Variants in KCNQ3 observed in about 807,000 individuals in gnomAD.
KCNQ3 encodes the protein potassium voltage-gated channel subfamily KQT member 3.
KCNQ3 carries 30 observed loss-of-function variants against 92.5 expected under a neutral mutation model. The observed-to-expected ratio is 0.32, with a 90% confidence interval of 0.24 to 0.44. The LOEUF is 0.44. Ranked by LOEUF, KCNQ3 falls within the 20% of genes least tolerant of loss-of-function variation. The probability of loss-of-function intolerance (pLI) is 1.00; values close to 1 mark genes in which losing one functional copy is unlikely to be tolerated. For missense variants in KCNQ3, 913 were observed against 1,140.3 expected (o/e 0.80, Z 2.87); for synonymous variants, 450 against 468.8 (o/e 0.96, Z 0.52).
intron 1 of KCNQ3, among the ~76,000 whole-genome samples, chr8:132,270,130 G>GAAA (rs35906701): frequency 6.7e-6 from 1 of 148,256 alleles, no homozygotes. Context: ...TGATTTTCCT[G>GAAA]AAAAAAAAAA....
chr8:132,389,326 A>C (rs1158792854), intron 1 of KCNQ3, among the ~76,000 whole-genome samples: 3 of 152,126 alleles, frequency 2.0e-5, no homozygotes, highest in Non-Finnish European at 4.4e-5. Context: ...GCGTGGTGGC[A>C]CATGCCTGTA....
chr8:132,375,310 C>G (rs1819578264), intron 1 of KCNQ3, among the ~76,000 whole-genome samples: 1 of 151,642 alleles, frequency 6.6e-6, no homozygotes, highest in Non-Finnish European at 1.5e-5. Flanking sequence ...ACTGCATTTT[C>G]CAAAACAGGT....
At chr8:132,162,971 C>T (rs1826033466) in intron 9 of KCNQ3, among the ~76,000 whole-genome samples, 1 of 152,212 alleles carries the variant, frequency 6.6e-6, no homozygotes, top group African/African-American at 2.4e-5. Flanking sequence ...ATGTGGTTTA[C>T]TGGGAAACCT....
intron 1 of KCNQ3, among the ~76,000 whole-genome samples, chr8:132,186,390 G>A (rs1226907055): frequency 6.6e-6 from 1 of 152,214 alleles, no homozygotes; most frequent in Non-Finnish European, 1.5e-5. Flanking sequence ...TGTGAGAGAA[G>A]TTGACCAATG....
intron 1 of KCNQ3, among the ~76,000 whole-genome samples, chr8:132,458,541 G>A (rs545432599): frequency 2.6e-5 from 4 of 152,268 alleles, no homozygotes; most frequent in Admixed American, 1.3e-4. Flanking sequence ...CGCAACCTCC[G>A]CCTCCCGGGT....
At chr8:132,292,234 C>T (rs1816855952) in intron 1 of KCNQ3, among the ~76,000 whole-genome samples, 1 of 152,216 alleles carries the variant, frequency 6.6e-6, no homozygotes, top group African/African-American at 2.4e-5. Context: ...GATTTCCCCA[C>T]TCTCTATAGT....
At chr8:132,228,370 TGA>T (rs143844678) in intron 1 of KCNQ3, among the ~76,000 whole-genome samples, 36 of 148,478 alleles carry the variant, frequency 2.4e-4, no homozygotes, top group Middle Eastern at 3.4e-3. Context: ...ACTGAGTTAT[TGA>T]GAGAGAGAGA....
intron 1 of KCNQ3, among the ~76,000 whole-genome samples, chr8:132,331,561 C>G (rs143188640): frequency 0.011 from 1,634 of 152,274 alleles, 36 homozygotes; most frequent in African/African-American, 0.037. Context: ...TCCTCCCCTC[C>G]CTGTCCCCTC....
chr8:132,437,555 T>C (rs1821429149), intron 1 of KCNQ3, among the ~76,000 whole-genome samples: 1 of 152,262 alleles, frequency 6.6e-6, no homozygotes, highest in African/African-American at 2.4e-5. Flanking sequence ...TCTGCATATG[T>C]GTTCATTTAG....
At chr8:132,344,765 C>G (rs1195563751) in intron 1 of KCNQ3, among the ~76,000 whole-genome samples, 10 of 151,984 alleles carry the variant, frequency 6.6e-5, no homozygotes, top group Non-Finnish European at 1.5e-5. Flanking sequence ...CAGGTAAGGT[C>G]GAGGCCAGTG....
rs1367737474 is a variant in KCNQ3, at chr8:132,432,458, A to G, written c.386+47689T>C. Among the ~76,000 whole-genome samples the G allele has an allele frequency of 5.3e-5, 8 of 152,214 alleles. No individual in the cohort carries two copies. In the East Asian group the frequency reaches 7.7e-4, roughly 15 times the overall value. On this transcript the variant is annotated intron_variant, in intron 1 of 14. Coordinates refer to ENST00000388996, the MANE Select transcript of KCNQ3 (RefSeq NM_004519.4). ...AAACAATCAAAAATGTATTAAATAC[A>G]TTAAAGTTGAACACTCTGGGTTGAA...
intron 1 of KCNQ3, among the ~76,000 whole-genome samples, chr8:132,191,778 T>C (rs1303479017): frequency 1.3e-5 from 2 of 151,802 alleles, no homozygotes; most frequent in African/African-American, 4.8e-5. Context: ...GCTGGAGAGA[T>C]GACAAGGGTC....
At chr8:132,173,152 A>G (rs1826438462) in intron 6 of KCNQ3, among the ~76,000 whole-genome samples, 1 of 152,200 alleles carries the variant, frequency 6.6e-6, no homozygotes, top group Admixed American at 6.5e-5. Flanking sequence ...TGATACTTTG[A>G]CTATAGCCGG....
Position 132,338,603 on chromosome 8 carries a change from G to C in KCNQ3, c.386+141544C>G, listed in dbSNP as rs182467601. 1.0e-3 allele frequency among the ~76,000 whole-genome samples: 157 copies of C among 152,312 alleles called. 1 individual carries two copies. Among genetic ancestry groups the C allele is most frequent in the Admixed American group, 1.5e-3 (23 of 15,310 alleles). On this transcript the variant is annotated intron_variant, in intron 1 of 14. Transcript: ENST00000388996. ...GCTGGTGGTTTGACCGTGGTGTTCAGAGGGAAGCCGAGGGTGTGAGAACAC... is the reference window on the plus strand; with the variant it reads ...GCTGGTGGTTTGACCGTGGTGTTCACAGGGAAGCCGAGGGTGTGAGAACAC...
intron 1 of KCNQ3, among the ~76,000 whole-genome samples, chr8:132,298,197 A>C (rs1253589848): frequency 6.6e-6 from 1 of 152,198 alleles, no homozygotes; most frequent in African/African-American, 2.4e-5. Context: ...GAAGTTTCCC[A>C]GAACATGAGA....
intron 9 of KCNQ3, among the ~76,000 whole-genome samples, chr8:132,154,193 G>GTTTTTT (rs869112851): frequency 8.7e-4 from 24 of 27,466 alleles, no homozygotes; most frequent in African/African-American, 1.9e-3. Context: ...AAGGGTAAAA[G>GTTTTTT]TTTTTTTTTT....
intron 1 of KCNQ3, among the ~76,000 whole-genome samples, chr8:132,433,609 G>T (rs1336591413): frequency 6.6e-6 from 1 of 152,204 alleles, no homozygotes; most frequent in Admixed American, 6.5e-5. Context: ...AAACTAATAG[G>T]CTGGGCACGG....
At chr8:132,150,772 G>A (rs989365242) in intron 9 of KCNQ3, among the ~76,000 whole-genome samples, 2 of 151,920 alleles carry the variant, frequency 1.3e-5, no homozygotes, top group African/African-American at 2.4e-5. Flanking sequence ...TAGGAGATTG[G>A]CAAACAAAAG....
intron 1 of KCNQ3, among the ~76,000 whole-genome samples, chr8:132,376,426 T>A (rs761555751): frequency 2.0e-5 from 3 of 152,168 alleles, no homozygotes; most frequent in Non-Finnish European, 4.4e-5. Flanking sequence ...GTTCTCCCAA[T>A]AACTCACCCA....
Sources: allele counts gnomAD v4.1 joint callset (sites outside exome capture counted in the v4.1 genomes callset), GRCh38; gene constraint gnomAD v4.1.1; transcripts MANE v1.5; gene names NCBI Gene and HGNC (gene_info 2026-07-23, HGNC 2026-07-21).